FBXO8: variants seen among roughly 807,000 people sequenced by gnomAD.
FBXO8 encodes the protein F-box only protein 8.
A neutral mutation model predicts 33.4 loss-of-function variants in FBXO8; 15 were observed. The ratio of observed to expected loss-of-function variants is 0.45; its 90% confidence interval spans 0.30 to 0.69. The LOEUF (loss-of-function observed/expected upper bound fraction) is 0.69, where lower values mean the gene tolerates loss of function less well. Ranked by LOEUF, FBXO8 falls within the 30% of genes least tolerant of loss-of-function variation. The pLI is 0.08. For missense variants in FBXO8, 274 were observed against 380.3 expected (o/e 0.72, Z 2.32); for synonymous variants, 132 against 131.5 (o/e 1.00, Z -0.02).
intron 3 of FBXO8, among the ~76,000 whole-genome samples, chr4:174,242,920 T>C (rs928448717): frequency 6.6e-6 from 1 of 151,610 alleles, no homozygotes; most frequent in South Asian, 2.1e-4. Flanking sequence ...AAAAACAATG[T>C]CAATTAAGCA....
At chr4:174,264,793 C>CT (rs1197277977) in intron 1 of FBXO8, among the ~76,000 whole-genome samples, 1 of 126,584 alleles carries the variant, frequency 7.9e-6, no homozygotes, top group East Asian at 3.4e-4. Context: ...AAATAAAATT[C>CT]TTAAAAAAAA....
intron 1 of FBXO8, among the ~76,000 whole-genome samples, chr4:174,280,330 A>G (rs894878817): frequency 1.1e-4 from 16 of 152,070 alleles, no homozygotes; most frequent in Non-Finnish European, 2.2e-4. Flanking sequence ...CGAAAAAAAA[A>G]TAAGTCTTGG....
intron 3 of FBXO8, among the ~76,000 whole-genome samples, chr4:174,258,935 C>T (rs1037619019): frequency 2.0e-5 from 3 of 151,834 alleles, no homozygotes; most frequent in African/African-American, 7.3e-5. Context: ...TAAAATAATG[C>T]TGCAGATTAA....
rs1736048934 is a variant in FBXO8, at chr4:174,241,875, A to G, written c.457-657T>C. Among the ~76,000 whole-genome samples, 1 of 151,464 alleles carries G rather than the reference A, an allele frequency of 6.6e-6. No homozygotes were observed. The highest frequency in any genetic ancestry group is 1.5e-5 in the Non-Finnish European group (1 of 67,552). ...TGTTTTTCATAGAATTTATCTTTGA[A>G]TTTCCTTTTCTCTGCATGCAAAGTT... On this transcript the variant is annotated intron_variant, in intron 3 of 5. Transcript: ENST00000393674. This position sits in a 1 kb window ranked among gnomAD's most constrained non-coding sequence, Gnocchi z 4.2.
Position 174,272,034 on chromosome 4 carries a change from A to G in FBXO8, c.-8-8934T>C, listed in dbSNP as rs1332759240. ...GGGCTACAAAGAAACTCCTAAGGCA[A>G]TGTTTCCTAAACTTGGATTATGAGT... On this transcript the variant is annotated intron_variant, in intron 1 of 5. Transcript: ENST00000393674. This position sits in a 1 kb window ranked among gnomAD's most constrained non-coding sequence, Gnocchi z 4.7. Among the ~76,000 whole-genome samples, 2 of 152,216 alleles carry G rather than the reference A, an allele frequency of 1.3e-5. No individual in the cohort carries two copies. The highest frequency in any genetic ancestry group is 3.2e-3 in the Middle Eastern group (1 of 316).
At chr4:174,244,112 A>T (rs1456059737) in intron 3 of FBXO8, among the ~76,000 whole-genome samples, 1 of 151,616 alleles carries the variant, frequency 6.6e-6, no homozygotes, top group African/African-American at 2.4e-5. Context: ...AAAAAGGAAA[A>T]GATGTGTGTG....
intron 5 of FBXO8, among the ~76,000 whole-genome samples, chr4:174,238,772 T>C (rs866801242): frequency 3.2e-3 from 464 of 145,940 alleles, no homozygotes; most frequent in African/African-American, 8.4e-3. Context: ...TATATATATA[T>C]ACACACACAC....
In FBXO8 at chr4:174,279,537, A is replaced by G. The variant is rs561067978; in HGVS notation, c.-9+3873T>C. Among the ~76,000 whole-genome samples, 3 of 152,258 alleles carry G rather than the reference A, an allele frequency of 2.0e-5. No individual in the cohort carries two copies. In the South Asian group the frequency reaches 6.2e-4, roughly 32 times the overall value. ...CCACATGGAATCTCAAGGGACCTCT[A>G]ATAGTCAAACCAAACTTGAAAAAGA... On this transcript the variant is annotated intron_variant, in intron 1 of 5. Transcript: ENST00000393674.
intron 3 of FBXO8, among the ~76,000 whole-genome samples, chr4:174,244,338 T>A (rs1422397950): frequency 6.6e-6 from 1 of 151,690 alleles, no homozygotes; most frequent in African/African-American, 2.4e-5. Flanking sequence ...TAGTACCACA[T>A]AAGGAAGGGA....
rs1206568432 is a variant in FBXO8 at position 174,274,899 on chromosome 4, G to A, written c.-9+8511C>T. Among the ~76,000 whole-genome samples the A allele has an allele frequency of 1.3e-5, 2 of 152,264 alleles. No homozygotes were observed. The highest frequency in any genetic ancestry group is 4.1e-4 in the South Asian group (2 of 4,824). On this transcript the variant is annotated intron_variant, in intron 1 of 5. Coordinates refer to ENST00000393674, the MANE Select transcript of FBXO8 (RefSeq NM_012180.3). This position sits in a 1 kb window ranked among gnomAD's most constrained non-coding sequence, Gnocchi z 4.0. ...TCTTTGGGGTCTAAGGCTAGGCCAA[G>A]AATTCCCAGACTTATATCAAAAGGA...
At chr4:174,248,728 G>A (rs981475504) in intron 3 of FBXO8, among the ~76,000 whole-genome samples, 2 of 152,056 alleles carry the variant, frequency 1.3e-5, no homozygotes, top group African/African-American at 4.8e-5. Context: ...ACCAGTTTAT[G>A]TATAAACATT....
Position 174,259,835 on chromosome 4 carries a change from CAG to C in FBXO8, c.330-12_330-11del. 1 of 1,566,536 alleles carries C rather than the reference CAG, an allele frequency of 6.4e-7. No homozygotes were observed. The highest frequency in any genetic ancestry group is 8.6e-7 in the Non-Finnish European group (1 of 1,164,432). ...AGTGGATTTGCACAACCTATAAAATCAGAGAAAATGAGACAAGAAAACATTAC... is the reference window on the plus strand; with the variant it reads ...AGTGGATTTGCACAACCTATAAAATCAGAAAATGAGACAAGAAAACATTAC... On this transcript the variant is annotated splice_polypyrimidine_tract_variant and intron_variant, in intron 2 of 5. Transcript: ENST00000393674. The surrounding 1 kb of genome is among the most constrained non-coding windows in gnomAD (Gnocchi z 4.3).
In FBXO8 at chr4:174,270,583, A is replaced by G. The variant is rs1178419621; in HGVS notation, c.-8-7483T>C. On this transcript the variant is annotated intron_variant, in intron 1 of 5. Transcript: ENST00000393674. The surrounding 1 kb of genome is among the most constrained non-coding windows in gnomAD (Gnocchi z 4.6). ...CTTAAATTTAATATGCTAAACTTCA[A>G]GATCATTTTTATTCATGCTCATGTC... Among the ~76,000 whole-genome samples the G allele has an allele frequency of 6.6e-6, 1 of 151,998 alleles. No individual in the cohort carries two copies. Among genetic ancestry groups the G allele is most frequent in the African/African-American group, 2.4e-5 (1 of 41,382 alleles).
chr4:174,264,013 C>T (rs1383240553), intron 1 of FBXO8, among the ~76,000 whole-genome samples: 1 of 152,126 alleles, frequency 6.6e-6, no homozygotes, highest in African/African-American at 2.4e-5. Flanking sequence ...ACAACTAAAT[C>T]GGAGTTCCTA....
intron 4 of FBXO8, among the ~76,000 whole-genome samples, chr4:174,239,955 G>A (rs1735988710): frequency 6.6e-6 from 1 of 151,548 alleles, no homozygotes; most frequent in African/African-American, 2.4e-5. Flanking sequence ...GCATATAACA[G>A]GAACAGGCGA....
At position 174,256,907 on chromosome 4, in the gene FBXO8, C is replaced by T. The variant is rs961138372; in HGVS notation, c.456+2792G>A. On this transcript the variant is annotated intron_variant, in intron 3 of 5. Coordinates refer to ENST00000393674, the MANE Select transcript of FBXO8 (RefSeq NM_012180.3). The surrounding 1 kb of genome is among the most constrained non-coding windows in gnomAD (Gnocchi z 4.6). ...TGTTCCAGAGTATCTTTAAATCAGGCCAGGGAGTAAAAAAAAAAGAAAATA... is the reference window on the plus strand; with the variant it reads ...TGTTCCAGAGTATCTTTAAATCAGGTCAGGGAGTAAAAAAAAAAGAAAATA... Among the ~76,000 whole-genome samples the T allele has an allele frequency of 2.7e-5, 4 of 150,556 alleles. No homozygotes were observed.
chr4:174,278,034 A>G lies in FBXO8; in HGVS notation c.-9+5376T>C, dbSNP rs186080403. ...GCCTAGCATTTATTTCTTCACTTCC[A>G]AAAGAATAGACCACCAAAGAAGTTT... On this transcript the variant is annotated intron_variant, in intron 1 of 5. Transcript: ENST00000393674. The surrounding 1 kb of genome is among the most constrained non-coding windows in gnomAD (Gnocchi z 4.1). Among the ~76,000 whole-genome samples, 611 of 152,218 alleles carry G rather than the reference A, an allele frequency of 4.0e-3. No homozygotes were observed. The highest frequency in any genetic ancestry group is 0.014 in the African/African-American group (585 of 41,562).
At chr4:174,260,523 G>A (rs1279449834) in intron 2 of FBXO8, among the ~76,000 whole-genome samples, 2 of 151,970 alleles carry the variant, frequency 1.3e-5, no homozygotes, top group African/African-American at 4.8e-5. Context: ...CAACATAGCT[G>A]TTTTTAAGAT....
At position 174,262,790 on chromosome 4, in the gene FBXO8, A is replaced by C; in HGVS notation, c.303T>G (p.Leu101=). The C allele has an allele frequency of 6.2e-7, 1 of 1,613,630 alleles. No homozygotes were observed. Among genetic ancestry groups the C allele is most frequent in the Non-Finnish European group, 8.5e-7 (1 of 1,179,608 alleles). The part of the protein sequence containing the change: ...LCLASCVWQD[L]ANDELLWQGL... Reference sequence around the variant, plus strand: ...CTTGCCAGAGAAGTTCATCATTCGCAAGGTCCTGCCAAACACATGAAGCCA... The same window carrying C: ...CTTGCCAGAGAAGTTCATCATTCGCCAGGTCCTGCCAAACACATGAAGCCA... Residue 101 remains leucine (L), a synonymous_variant, in exon 2 of 6, where the codon CTT becomes CTG. Transcript: ENST00000393674. This position sits in a 1 kb window ranked among gnomAD's most constrained non-coding sequence, Gnocchi z 4.6.
Sources: gnomAD v4.1 joint callset for allele counts (sites outside exome capture counted in the v4.1 genomes callset) on GRCh38, gnomAD v4.1.1 for gene constraint, Gnocchi (gnomAD v3.1) non-coding constraint, MANE v1.5 for transcripts, NCBI Gene and HGNC (gene_info 2026-07-23, HGNC 2026-07-21) for gene names.